Variants in ACMSD observed in about 807,000 individuals in gnomAD.
ACMSD encodes aminocarboxymuconate semialdehyde decarboxylase, also known as 2-amino-3-carboxymuconate-6-semialdehyde decarboxylase.
ACMSD carries 37 observed loss-of-function variants against 45.9 expected under a neutral mutation model. That is an observed-to-expected ratio of 0.81 (90% confidence interval 0.62 to 1.06). ACMSD has a LOEUF of 1.06. ACMSD is among the 50% of genes least tolerant of loss of function. The pLI is 0.00. For synonymous variants in ACMSD, 138 were observed against 148.8 expected (o/e 0.93, Z 0.53); for missense variants, 434 against 420.9 (o/e 1.03, Z -0.27).
At chr2:134,863,328 T>G in intron 4 of ACMSD, 67 bp from the exon 5 acceptor site, 1 of 1,452,370 alleles carries the variant, frequency 6.9e-7, no homozygotes, top group South Asian at 1.2e-5. Flanking sequence ...GGAGGCACTG[T>G]TCAGAGTGAA....
At chr2:134,842,274 GAGA>G (rs1686839647) in intron 1 of ACMSD, among the ~76,000 whole-genome samples, 1 of 152,246 alleles carries the variant, frequency 6.6e-6, no homozygotes, top group Non-Finnish European at 1.5e-5. Flanking sequence ...CACAGACCTG[GAGA>G]AGAATAAAGT....
chr2:134,868,062 G>T (rs1377986183), intron 6 of ACMSD, among the ~76,000 whole-genome samples: 1 of 152,066 alleles, frequency 6.6e-6, no homozygotes, highest in Non-Finnish European at 1.5e-5. Context: ...TCCCAAAGAG[G>T]CTTCAAAAAA....
rs140988963 is a variant in ACMSD at position 134,863,589 on chromosome 2, C to T, written c.444C>T (p.Asn148=). 9.3e-6 allele frequency: 15 copies of T among 1,614,072 alleles called. No individual in the cohort carries two copies. The highest frequency in any genetic ancestry group is 1.3e-5 in the African/African-American group (1 of 74,946). ...GGGTCCAAATTGGCACCCACGTCAA[C>T]GAGTGGGACCTGAACGCGCAGGAGC... ...FPGVQIGTHV[N]EWDLNAQELF... is the part of the protein sequence containing the mutation. The change falls in exon 5 of 10, where the codon AAC becomes AAT. Residue 148 remains asparagine (N), a synonymous_variant. Coordinates refer to ENST00000356140, the MANE Select transcript of ACMSD (RefSeq NM_138326.3).
intron 8 of ACMSD, among the ~76,000 whole-genome samples, chr2:134,898,106 G>A (rs1259286787): frequency 4.0e-5 from 6 of 151,058 alleles, no homozygotes; most frequent in Non-Finnish European, 8.9e-5. Context: ...GAGAGAGAAT[G>A]GGGTTGATTT....
intron 8 of ACMSD, among the ~76,000 whole-genome samples, chr2:134,895,856 C>T (rs1690116917): frequency 6.6e-6 from 1 of 151,908 alleles, no homozygotes; most frequent in South Asian, 2.1e-4. Flanking sequence ...AGTGAAACTC[C>T]GTCTCAAAAA....
chr2:134,898,054 A>T (rs190388928), intron 8 of ACMSD, among the ~76,000 whole-genome samples: 8 of 151,520 alleles, frequency 5.3e-5, no homozygotes, highest in African/African-American at 1.7e-4. Context: ...ATAAATATCA[A>T]TTTCTTATAT....
intron 2 of ACMSD, among the ~76,000 whole-genome samples, chr2:134,850,018 C>A (rs904261753): frequency 1.3e-5 from 2 of 151,874 alleles, no homozygotes; most frequent in Non-Finnish European, 2.9e-5. Context: ...TTACATCACA[C>A]TTTCAGCATT....
chr2:134,864,002 C>G (rs1323828133), intron 5 of ACMSD, among the ~76,000 whole-genome samples: 3 of 152,106 alleles, frequency 2.0e-5, no homozygotes, highest in Non-Finnish European at 4.4e-5. Flanking sequence ...GGTGCAGCAG[C>G]TCACACCTGT....
At chr2:134,868,738 C>T (rs1350539030) in intron 6 of ACMSD, among the ~76,000 whole-genome samples, 1 of 152,118 alleles carries the variant, frequency 6.6e-6, no homozygotes, top group Non-Finnish European at 1.5e-5. Context: ...CAGGTGTGAG[C>T]CACTGCACCC....
intron 4 of ACMSD, among the ~76,000 whole-genome samples, chr2:134,862,499 G>A (rs931868389): frequency 1.3e-5 from 2 of 152,248 alleles, no homozygotes; most frequent in African/African-American, 4.8e-5. Flanking sequence ...AAAGTTTCAG[G>A]CATGATTTCC....
intron 2 of ACMSD, among the ~76,000 whole-genome samples, chr2:134,850,086 GC>G (rs1687263691): frequency 1.7e-5 from 2 of 119,972 alleles, no homozygotes; most frequent in South Asian, 5.4e-4. Context: ...TGTATCCCCC[GC>G]CCCCCAAATT....
At chr2:134,871,111 C>T (rs549455494) in intron 7 of ACMSD, 51 bp downstream of exon 7, 6 of 1,458,808 alleles carry the variant, frequency 4.1e-6, no homozygotes, top group Non-Finnish European at 5.8e-6. Flanking sequence ...CAAAATCCCA[C>T]AGATGGGGTG....
rs543511700 is a variant in ACMSD at position 134,868,455 on chromosome 2, T to TC, written c.580+783_580+784insC. On this transcript the variant is annotated intron_variant, in intron 6 of 9. Coordinates refer to ENST00000356140, the MANE Select transcript of ACMSD (RefSeq NM_138326.3). ...AAAAGTGCTGGATATTTTTTTCTTT[T>TC]TTTTTTTTTTTTTTTGAGACAAGGT... Among the ~76,000 whole-genome samples the TC allele has an allele frequency of 1.1e-4, 17 of 148,408 alleles. No homozygotes were observed. In the South Asian group the frequency reaches 1.9e-3, roughly 17 times the overall value.
intron 5 of ACMSD, 105 bp downstream of exon 5, chr2:134,863,736 G>A (rs1687961433): frequency 1.7e-6 from 2 of 1,158,076 alleles, no homozygotes; most frequent in South Asian, 1.4e-5. Flanking sequence ...CACTGGGAGG[G>A]GAGAGCGGTG....
At chr2:134,859,059 A>T (rs935184916) in intron 2 of ACMSD, among the ~76,000 whole-genome samples, 17 of 150,588 alleles carry the variant, frequency 1.1e-4, no homozygotes, top group African/African-American at 4.2e-4. Flanking sequence ...ACGCCCACAG[A>T]GCACACCCCT....
intron 8 of ACMSD, among the ~76,000 whole-genome samples, chr2:134,896,122 G>T (rs1690134267): frequency 6.6e-6 from 1 of 152,020 alleles, no homozygotes; most frequent in African/African-American, 2.4e-5. Flanking sequence ...AAATAAAGTT[G>T]GACTCCTTCT....
At chr2:134,864,268 C>T in intron 5 of ACMSD, among the ~76,000 whole-genome samples, 1 of 117,992 alleles carries the variant, frequency 8.5e-6, no homozygotes. Context: ...GACTCCATCT[C>T]AAAAAAAAAA....
intron 1 of ACMSD, among the ~76,000 whole-genome samples, chr2:134,843,393 T>G (rs944802255): frequency 6.6e-6 from 1 of 152,208 alleles, no homozygotes; most frequent in Non-Finnish European, 1.5e-5. Flanking sequence ...AGAACAGACC[T>G]TATACCTGGG....
rs189622429 is a variant in ACMSD at position 134,847,578 on chromosome 2, T to G, written c.102+2301T>G. 3.3e-5 allele frequency among the ~76,000 whole-genome samples: 5 copies of G among 152,282 alleles called. No individual in the cohort carries two copies. In the East Asian group the frequency reaches 5.8e-4, roughly 18 times the overall value. On this transcript the variant is annotated intron_variant, in intron 2 of 9. Transcript: ENST00000356140. ...GCACCCATCAACTCGTCATCTACAT[T>G]AGGTATTTCTCCTAATGCTATCCGT...
Sources: gnomAD v4.1 joint callset for allele counts (sites outside exome capture counted in the v4.1 genomes callset) on GRCh38, gnomAD v4.1.1 for gene constraint, MANE v1.5 for transcripts, NCBI Gene and HGNC (gene_info 2026-07-23, HGNC 2026-07-21) for gene names.